BICC1: variants seen among roughly 807,000 people sequenced by gnomAD.
BICC1 encodes protein bicaudal C homolog 1.
A neutral mutation model predicts 111.0 loss-of-function variants in BICC1; 43 were observed. The observed-to-expected ratio is 0.39, with a 90% CI of 0.30 to 0.50. BICC1 has a LOEUF of 0.50. Among genes scored for constraint, BICC1 ranks in the 20% least tolerant of loss-of-function variants. BICC1 has a pLI of 0.88. For missense variants in BICC1, 1,091 were observed against 1,203.2 expected, an observed-to-expected ratio of 0.91 and a Z score of 1.38; for synonymous variants, 467 against 434.4, an observed-to-expected ratio of 1.07 and a Z score of -0.93.
chr10:58,826,473 C>T (rs370427135), intron 20 of BICC1, among the ~76,000 whole-genome samples: 8 of 152,188 alleles, frequency 5.3e-5, no homozygotes, highest in South Asian at 4.2e-4. Flanking sequence ...GAAAGGAGGC[C>T]GGGTGCGGTG....
rs151062592 is a variant in BICC1, at chr10:58,653,348, C to T, written c.237+32447C>T. Among the ~76,000 whole-genome samples, 93 of 152,158 alleles carry T rather than the reference C, an allele frequency of 6.1e-4. No homozygotes were observed. The Middle Eastern group carries it at 0.01, about 17-fold the overall frequency. On this transcript the variant is annotated intron_variant, in intron 2 of 20. Transcript: ENST00000373886. ...GAGATATTGCATCATCTTGGTGGGT[C>T]TGGTTTGTTTTCAGTTCTTTTAGAA...
chr10:58,583,464 A>T (rs1401595217), intron 1 of BICC1, among the ~76,000 whole-genome samples: 2 of 151,548 alleles, frequency 1.3e-5, no homozygotes, highest in African/African-American at 4.9e-5. Flanking sequence ...GAACATAACG[A>T]TGTTTGTTTT....
chr10:58,802,780 T>C (rs1843589489), intron 14 of BICC1, among the ~76,000 whole-genome samples: 1 of 152,222 alleles, frequency 6.6e-6, no homozygotes, highest in African/African-American at 2.4e-5. Context: ...ATATACTGTG[T>C]TTGAATGTGC....
chr10:58,708,002 A>ATTTTTT (rs71467049), intron 3 of BICC1, among the ~76,000 whole-genome samples: 55,427 of 108,170 alleles, frequency 0.51, 19,874 homozygotes, highest in East Asian at 0.84. Flanking sequence ...TAGCCAGCTA[A>ATTTTTT]TTTTTTTTTT....
chr10:58,621,026 T>C, intron 2 of BICC1, 125 bp downstream of exon 2: 1 of 707,492 alleles, frequency 1.4e-6, no homozygotes, highest in Non-Finnish European at 2.3e-6. Context: ...ATACGGGAGC[T>C]GGAAACACTC....
chr10:58,796,263 T>A (rs1843349041), intron 9 of BICC1, 77 bp from the exon 10 acceptor site: 1 of 1,270,570 alleles, frequency 7.9e-7, no homozygotes, highest in Non-Finnish European at 1.1e-6. Context: ...GTATTCATTT[T>A]CCACCTCCCT....
At chr10:58,623,268 A>G (rs552370265) in intron 2 of BICC1, among the ~76,000 whole-genome samples, 4 of 152,342 alleles carry the variant, frequency 2.6e-5, no homozygotes, top group African/African-American at 9.6e-5. Context: ...CCAAAATAAG[A>G]ATTGGTATAT....
intron 20 of BICC1, 62 bp downstream of exon 20, chr10:58,820,530 C>G (rs760662668): frequency 1.6e-6 from 2 of 1,259,410 alleles, no homozygotes; most frequent in Non-Finnish European, 2.3e-6. Context: ...TGGTCTCAGC[C>G]ATTGGGTTGT....
chr10:58,780,553 A>G (rs1262537291), intron 3 of BICC1, among the ~76,000 whole-genome samples: 1 of 152,178 alleles, frequency 6.6e-6, no homozygotes, highest in Non-Finnish European at 1.5e-5. Context: ...TCTCTGTAGC[A>G]TAATAAATGC....
chr10:58,800,700 C>T (rs1843516647), intron 13 of BICC1, among the ~76,000 whole-genome samples, 190 bp from the exon 14 acceptor site: 2 of 152,122 alleles, frequency 1.3e-5, no homozygotes, highest in African/African-American at 4.8e-5. Context: ...ATATGCGGGT[C>T]TTCTCTTCAA....
At position 58,820,419 on chromosome 10, in the gene BICC1, G is replaced by A. The variant is rs1341843238; in HGVS notation, c.2745G>A (p.Leu915=). The change falls in exon 20 of 21, where the codon CTG becomes CTA. Residue 915 remains leucine, a synonymous_variant. Coordinates refer to ENST00000373886, the MANE Select transcript of BICC1 (RefSeq NM_001080512.3). ...LTLTDQDLKE[L]GITTFGARRK... ...TCACAGATCAGGATCTGAAGGAGCT[G>A]GGAATAACTACTTTTGGTGCCAGGA... The A allele has an allele frequency of 6.2e-7, 1 of 1,612,098 alleles. No individual in the cohort carries two copies. Among genetic ancestry groups the A allele is most frequent in the Non-Finnish European group, 8.5e-7 (1 of 1,178,534 alleles).
intron 1 of BICC1, among the ~76,000 whole-genome samples, chr10:58,569,406 G>A (rs2917949): frequency 0.46 from 69,914 of 151,934 alleles, 17,109 homozygotes; most frequent in Admixed American, 0.62. Context: ...TTTTTAAAAA[G>A]TATACTTTAA....
At chr10:58,793,903 C>G (rs1169963476) in intron 9 of BICC1, among the ~76,000 whole-genome samples, 1 of 152,026 alleles carries the variant, frequency 6.6e-6, no homozygotes, top group Admixed American at 6.6e-5. Flanking sequence ...CACTTCTGGT[C>G]CCAGGCATTT....
chr10:58,601,150 A>ATATATATATG (rs1197690062), intron 1 of BICC1, among the ~76,000 whole-genome samples: 1 of 134,776 alleles, frequency 7.4e-6, no homozygotes, highest in Admixed American at 7.5e-5. Flanking sequence ...TTATATATAT[A>ATATATATATG]TATATATATA....
At chr10:58,769,140 G>A (rs1370353897) in intron 3 of BICC1, among the ~76,000 whole-genome samples, 1 of 151,808 alleles carries the variant, frequency 6.6e-6, no homozygotes, top group African/African-American at 2.4e-5. Context: ...TTGAGTGTGA[G>A]GACAATGGGG....
chr10:58,734,693 T>A (rs940405459), intron 3 of BICC1, among the ~76,000 whole-genome samples: 1 of 152,168 alleles, frequency 6.6e-6, no homozygotes, highest in African/African-American at 2.4e-5. Context: ...AAGAAGCAAA[T>A]GATTTATTTT....
intron 1 of BICC1, among the ~76,000 whole-genome samples, chr10:58,599,556 G>A (rs1038751091): frequency 3.9e-5 from 6 of 152,096 alleles, no homozygotes; most frequent in African/African-American, 1.4e-4. Context: ...TGTAGGTGAT[G>A]GGTTGTTGGG....
At chr10:58,735,936 G>T (rs1333311992) in intron 3 of BICC1, among the ~76,000 whole-genome samples, 3 of 152,122 alleles carry the variant, frequency 2.0e-5, no homozygotes, top group African/African-American at 7.2e-5. Context: ...CATCTCACAT[G>T]CTCCAGCCAG....
intron 1 of BICC1, among the ~76,000 whole-genome samples, chr10:58,559,226 C>T (rs1462491465): frequency 2.0e-5 from 3 of 151,610 alleles, no homozygotes; most frequent in East Asian, 3.9e-4. Flanking sequence ...TCTCAGTGTT[C>T]AGTCACAATG....
Sources: gnomAD v4.1 joint callset for allele counts (sites outside exome capture counted in the v4.1 genomes callset) on GRCh38, gnomAD v4.1.1 for gene constraint, MANE v1.5 for transcripts, NCBI Gene and HGNC (gene_info 2026-07-23, HGNC 2026-07-21) for gene names.